PVT1: variants seen among roughly 807,000 people sequenced by gnomAD.
The protein encoded by PVT1 is CXCR4/PVT1 fusion.
At chr8:127,956,923 AT>A (rs1816577140) in intron 3 of PVT1, among the ~76,000 whole-genome samples, 1 of 152,206 alleles carries the variant, frequency 6.6e-6, no homozygotes, top group Non-Finnish European at 1.5e-5. Flanking sequence ...ATGGCCTGTC[AT>A]AGGCCTCATT....
chr8:127,939,270 C>T (rs894911443), intron 3 of PVT1, among the ~76,000 whole-genome samples: 3 of 152,196 alleles, frequency 2.0e-5, no homozygotes, highest in Non-Finnish European at 4.4e-5. Flanking sequence ...TGGCCCTGTA[C>T]CCTGATATGG....
chr8:128,032,320 G>A (rs1052204509), intron 4 of PVT1, among the ~76,000 whole-genome samples: 1 of 152,128 alleles, frequency 6.6e-6, no homozygotes, highest in African/African-American at 2.4e-5. Context: ...TAGCAAGAAG[G>A]GTGAGGAGGT....
intron 3 of PVT1, among the ~76,000 whole-genome samples, chr8:127,974,319 G>C (rs1563654498): frequency 6.6e-6 from 1 of 152,040 alleles, no homozygotes; most frequent in Non-Finnish European, 1.5e-5. Flanking sequence ...CTCATATCCT[G>C]AATTCTATTT....
chr8:127,935,755 A>G (rs1328558584), intron 3 of PVT1, among the ~76,000 whole-genome samples: 1 of 152,196 alleles, frequency 6.6e-6, no homozygotes, highest in East Asian at 1.9e-4. Flanking sequence ...CATTTTGACC[A>G]TTTATCAAAG....
At chr8:127,940,295 T>C (rs953204820) in intron 3 of PVT1, 3 of 152,174 alleles carry the variant, frequency 2.0e-5, no homozygotes, top group African/African-American at 7.2e-5. Flanking sequence ...GCCCAACTTT[T>C]GGTAGAGTCA....
At chr8:127,886,564 A>G (rs1273967154) in intron 2 of PVT1, among the ~76,000 whole-genome samples, 1 of 152,068 alleles carries the variant, frequency 6.6e-6, no homozygotes, top group Non-Finnish European at 1.5e-5. Context: ...CTCAAATTGT[A>G]CTGACTCTTG....
intron 3 of PVT1, among the ~76,000 whole-genome samples, chr8:127,928,665 T>A (rs1816162101): frequency 6.6e-6 from 1 of 152,228 alleles, no homozygotes; most frequent in Non-Finnish European, 1.5e-5. Context: ...TGGCAACTGG[T>A]TGTTTCCAAT....
At chr8:127,966,003 T>C (rs1050040823) in intron 3 of PVT1, among the ~76,000 whole-genome samples, 1 of 152,156 alleles carries the variant, frequency 6.6e-6, no homozygotes, top group African/African-American at 2.4e-5. Context: ...ATAGTATAAT[T>C]GAAAGTCCAG....
chr8:128,005,901 C>T (rs560025783), intron 4 of PVT1, among the ~76,000 whole-genome samples: 8 of 152,074 alleles, frequency 5.3e-5, no homozygotes, highest in East Asian at 1.9e-4. Flanking sequence ...GTCAGGAGTT[C>T]GAGGCCAAGC....
intron 2 of PVT1, among the ~76,000 whole-genome samples, chr8:127,872,605 A>T (rs985104772): frequency 1.2e-4 from 18 of 152,358 alleles, no homozygotes; most frequent in Admixed American, 9.8e-4. Context: ...TTAAATAAAA[A>T]GTTCATTAAA....
intron 2 of PVT1, among the ~76,000 whole-genome samples, chr8:127,805,023 C>T (rs540432417): frequency 2.0e-5 from 3 of 151,398 alleles, no homozygotes; most frequent in Admixed American, 6.6e-5. Flanking sequence ...CTCTGCCTCC[C>T]GGGTTCAAGT....
intron 3 of PVT1, among the ~76,000 whole-genome samples, chr8:127,914,409 C>T (rs1815954544): frequency 6.6e-6 from 1 of 151,258 alleles, no homozygotes; most frequent in African/African-American, 2.4e-5. Context: ...TTTGGTGGTT[C>T]CTCAAAAAGT....
At chr8:127,994,096 C>T (rs1022013348) in intron 4 of PVT1, among the ~76,000 whole-genome samples, 2 of 152,222 alleles carry the variant, frequency 1.3e-5, no homozygotes, top group African/African-American at 2.4e-5. Context: ...TCTCCCAGCA[C>T]ATTCTCTGTA....
chr8:128,000,093 G>A (rs1469035881), intron 4 of PVT1, among the ~76,000 whole-genome samples: 1 of 152,130 alleles, frequency 6.6e-6, no homozygotes, highest in East Asian at 1.9e-4. Flanking sequence ...CCTACTGACA[G>A]CCTTTCCTGC....
chr8:127,856,552 G>T (rs551246243), intron 2 of PVT1, among the ~76,000 whole-genome samples: 1 of 152,042 alleles, frequency 6.6e-6, no homozygotes, highest in East Asian at 1.9e-4. Flanking sequence ...TGTTGGTCAG[G>T]CTGGTCTCGA....
intron 3 of PVT1, among the ~76,000 whole-genome samples, chr8:127,958,457 C>T (rs1816597999): frequency 6.6e-6 from 1 of 152,170 alleles, no homozygotes; most frequent in South Asian, 2.1e-4. Flanking sequence ...CCAGGCTGGT[C>T]TCGAACTCCT....
chr8:128,019,464 C>T (rs1206553491), intron 4 of PVT1, among the ~76,000 whole-genome samples: 1 of 152,154 alleles, frequency 6.6e-6, no homozygotes, highest in Admixed American at 6.5e-5. Flanking sequence ...TTGTCAATTT[C>T]AATGGTGAAA....
intron 2 of PVT1, among the ~76,000 whole-genome samples, chr8:127,839,691 A>C (rs1005565716): frequency 4.6e-5 from 7 of 152,192 alleles, no homozygotes; most frequent in Admixed American, 4.6e-4. Context: ...GAGCCCGTGC[A>C]TCAGTCAGGG....
chr8:127,984,946 C>CCCTT (rs200641766), intron 3 of PVT1, among the ~76,000 whole-genome samples: 10 of 118,652 alleles, frequency 8.4e-5, no homozygotes, highest in African/African-American at 2.3e-4. Context: ...TCTTTCTTTC[C>CCCTT]CCTTCCTTCC....
Sources: gnomAD v4.1 joint callset for allele counts (sites outside exome capture counted in the v4.1 genomes callset) on GRCh38, gnomAD v4.1.1 for gene constraint, MANE v1.5 for transcripts, NCBI Gene and HGNC (gene_info 2026-07-23, HGNC 2026-07-21) for gene names.